PIBF1: variants seen among roughly 807,000 people sequenced by gnomAD.
PIBF1 encodes the protein progesterone immunomodulatory binding factor 1.
PIBF1 carries 90 observed loss-of-function variants against 112.5 expected under a neutral mutation model. The observed-to-expected ratio is 0.80, with a 90% confidence interval of 0.67 to 0.95. The LOEUF is 0.95. Ranked by LOEUF, PIBF1 falls within the 40% of genes least tolerant of loss-of-function variation. PIBF1 has a pLI of 0.00. For synonymous variants in PIBF1, 301 were observed against 288.6 expected (o/e 1.04, Z -0.44); for missense variants, 915 against 852.3 (o/e 1.07, Z -0.92).
intron 12 of PIBF1, among the ~76,000 whole-genome samples, chr13:72,912,387 A>G (rs1190820560): frequency 6.6e-6 from 1 of 152,194 alleles, no homozygotes; most frequent in African/African-American, 2.4e-5. Flanking sequence ...CACTTCACAA[A>G]GGAAGACATG....
At chr13:72,895,446 G>A (rs1465880135) in intron 11 of PIBF1, among the ~76,000 whole-genome samples, 2 of 151,318 alleles carry the variant, frequency 1.3e-5, no homozygotes, top group Non-Finnish European at 2.9e-5. Flanking sequence ...ACATGCCTTC[G>A]CCTTCTACAT....
chr13:72,914,041 CT>C (rs2040995494), intron 12 of PIBF1, among the ~76,000 whole-genome samples: 1 of 152,162 alleles, frequency 6.6e-6, no homozygotes, highest in African/African-American at 2.4e-5. Context: ...TGAGCACAGA[CT>C]TTTTTTAGTA....
intron 16 of PIBF1, among the ~76,000 whole-genome samples, chr13:72,976,710 G>T (rs2043031043): frequency 6.6e-6 from 1 of 152,102 alleles, no homozygotes. Flanking sequence ...TTGCATATAT[G>T]GAAAGAAAAC....
intron 6 of PIBF1, among the ~76,000 whole-genome samples, chr13:72,824,549 A>G (rs1442061244): frequency 6.6e-6 from 1 of 151,944 alleles, no homozygotes; most frequent in Non-Finnish European, 1.5e-5. Flanking sequence ...GTTCAGTGGT[A>G]ATAAATATAT....
At chr13:72,965,252 A>G in intron 14 of PIBF1, 22 bp from the exon 15 acceptor site, 2 of 1,600,818 alleles carry the variant, frequency 1.2e-6, no homozygotes, top group Non-Finnish European at 1.7e-6. Flanking sequence ...TCTAGATTTT[A>G]ATGAAACCTG....
At chr13:72,964,113 A>T (rs2042678256) in intron 14 of PIBF1, among the ~76,000 whole-genome samples, 1 of 152,252 alleles carries the variant, frequency 6.6e-6, no homozygotes, top group South Asian at 2.1e-4. Flanking sequence ...ATGGATAAAC[A>T]AAATGTACTA....
chr13:72,828,132 T>C (rs1593992889), intron 8 of PIBF1, among the ~76,000 whole-genome samples: 1 of 152,146 alleles, frequency 6.6e-6, no homozygotes, highest in East Asian at 1.9e-4. Flanking sequence ...TTTTCCCATG[T>C]GCCTTTATTT....
intron 14 of PIBF1, among the ~76,000 whole-genome samples, chr13:72,947,125 C>A (rs1039116007): frequency 6.6e-6 from 1 of 152,212 alleles, no homozygotes; most frequent in African/African-American, 2.4e-5. Context: ...TTTCATACAT[C>A]CTCTGAAATC....
intron 14 of PIBF1, among the ~76,000 whole-genome samples, chr13:72,946,050 T>C (rs1343032274): frequency 6.6e-6 from 1 of 152,028 alleles, no homozygotes; most frequent in Admixed American, 6.6e-5. Flanking sequence ...GAGCTTCCAT[T>C]AGGTTGGCAA....
chr13:72,902,025 TACAC>T (rs78258217), intron 11 of PIBF1, among the ~76,000 whole-genome samples: 39,816 of 150,204 alleles, frequency 0.27, 6,527 homozygotes, highest in East Asian at 0.46. Flanking sequence ...TGTGTGTGTA[TACAC>T]ACACATGATG....
At chr13:72,798,064 G>T (rs9543124) in intron 5 of PIBF1, 38 bp downstream of exon 5, 1 of 1,554,994 alleles carries the variant, frequency 6.4e-7, no homozygotes, top group African/African-American at 1.4e-5. Flanking sequence ...AAGAAGCTTC[G>T]GCTTTTTCTG....
chr13:72,949,611 C>T (rs1186765119), intron 14 of PIBF1, among the ~76,000 whole-genome samples: 2 of 152,096 alleles, frequency 1.3e-5, no homozygotes, highest in African/African-American at 4.8e-5. Flanking sequence ...GCCACGGCAC[C>T]CAGCTAACGA....
chr13:72,891,248 C>T lies in PIBF1; in HGVS notation c.1323-2536C>T, dbSNP rs1383818888. On this transcript the variant is annotated intron_variant, in intron 10 of 17. Coordinates refer to ENST00000326291, the MANE Select transcript of PIBF1 (RefSeq NM_006346.4). ...GGCAGTGATATCCGAAGCAACATCC[C>T]GAATCCATAAAAAGGCAAAATTTGC... Among the ~76,000 whole-genome samples, 4 of 151,954 alleles carry T rather than the reference C, an allele frequency of 2.6e-5. No individual in the cohort carries two copies. The South Asian group carries it at 6.2e-4, about 24-fold the overall frequency.
chr13:72,862,244 G>C (rs1216050583), intron 10 of PIBF1, among the ~76,000 whole-genome samples: 1 of 152,224 alleles, frequency 6.6e-6, no homozygotes, highest in Non-Finnish European at 1.5e-5. Flanking sequence ...TGAAGTTACA[G>C]AACATGAATG....
At chr13:72,995,321 C>A (rs369248962) in intron 16 of PIBF1, among the ~76,000 whole-genome samples, 7 of 149,890 alleles carry the variant, frequency 4.7e-5, no homozygotes, top group African/African-American at 1.2e-4. Flanking sequence ...AAAAAAAGTT[C>A]TTTCTAATTT....
chr13:72,843,593 G>A (rs2037706338), intron 9 of PIBF1, among the ~76,000 whole-genome samples: 1 of 152,166 alleles, frequency 6.6e-6, no homozygotes, highest in African/African-American at 2.4e-5. Flanking sequence ...TGTACTTTTA[G>A]TAGAGACGGG....
intron 12 of PIBF1, among the ~76,000 whole-genome samples, chr13:72,911,492 A>T (rs1431502245): frequency 6.6e-6 from 1 of 152,232 alleles, no homozygotes; most frequent in African/African-American, 2.4e-5. Context: ...ACCTAAATGG[A>T]ATAGCTAAAA....
At chr13:72,926,671 C>T (rs1411875150) in intron 13 of PIBF1, among the ~76,000 whole-genome samples, 1 of 152,196 alleles carries the variant, frequency 6.6e-6, no homozygotes, top group East Asian at 1.9e-4. Flanking sequence ...TCACCATGCA[C>T]CATATATTAT....
rs761127103 is a variant in PIBF1, at chr13:72,827,059, G to A, written c.856G>A (p.Glu286Lys). ...QEVIELRRKH[E>K]ILEASHMIQT... The stretch of plus-strand genomic sequence containing the variant: ...AGTAATTGAGCTTAGGAGAAAACAT[G>A]AAATACTTGAAGCCTCTCACATGAT... Residue 286 changes from glutamate (E) to lysine (K), a missense_variant, in exon 7 of 18, where the codon GAA becomes AAA. Physicochemically the swap from Glu to Lys is moderately conservative, Grantham distance 56. Coordinates refer to ENST00000326291, the MANE Select transcript of PIBF1 (RefSeq NM_006346.4). 6.2e-7 allele frequency: 1 copy of A among 1,605,852 alleles called. No homozygotes were observed.
Sources: gnomAD v4.1 joint callset for allele counts (sites outside exome capture counted in the v4.1 genomes callset) on GRCh38, gnomAD v4.1.1 for gene constraint, MANE v1.5 for transcripts, NCBI Gene and HGNC (gene_info 2026-07-23, HGNC 2026-07-21) for gene names.